SGMS1: variants seen among roughly 807,000 people sequenced by gnomAD.
SGMS1 encodes the protein sphingomyelin synthase 1, also known as phosphatidylcholine:ceramide cholinephosphotransferase 1.
SGMS1 carries 13 observed loss-of-function variants against 46.2 expected under a neutral mutation model. The observed-to-expected ratio is 0.28, with a 90% CI of 0.18 to 0.45. The LOEUF (loss-of-function observed/expected upper bound fraction) is 0.45. SGMS1 is among the 20% of genes least tolerant of loss of function. SGMS1 has a pLI of 1.00. For missense variants in SGMS1, 324 were observed against 519.9 expected (o/e 0.62, Z 3.66); for synonymous variants, 203 against 187.8 (o/e 1.08, Z -0.66).
chr10:50,390,200 C>T (rs372386139), intron 6 of SGMS1, among the ~76,000 whole-genome samples: 1 of 152,100 alleles, frequency 6.6e-6, no homozygotes, highest in Non-Finnish European at 1.5e-5. Context: ...ATACATGTAA[C>T]GTCACTAAAT....
chr10:50,318,039 G>C (rs1332810383), intron 8 of SGMS1, among the ~76,000 whole-genome samples: 1 of 151,970 alleles, frequency 6.6e-6, no homozygotes, highest in African/African-American at 2.4e-5. Context: ...CCTGAGCTCA[G>C]GCAATGTCCA....
rs142958739 is a variant in SGMS1 at position 50,380,893 on chromosome 10, A to T, written c.-231-36548T>A. ...TGACCAGGCTGCGGTGCAGTGGTGC[A>T]ATCACAGCTCACTGTAGCAGTGACC... On this transcript the variant is annotated intron_variant, in intron 6 of 10. Transcript: ENST00000361781. Among the ~76,000 whole-genome samples the T allele has an allele frequency of 2.5e-3, 383 of 152,194 alleles. 9 individuals are homozygous for T. Among genetic ancestry groups the T allele is most frequent in the Admixed American group, 0.022 (341 of 15,278 alleles).
At chr10:50,511,163 G>A (rs1452472941) in intron 3 of SGMS1, among the ~76,000 whole-genome samples, 1 of 151,902 alleles carries the variant, frequency 6.6e-6, no homozygotes, top group Non-Finnish European at 1.5e-5. Flanking sequence ...AGTAGAGGCA[G>A]AGTGGATAAA....
chr10:50,424,121 A>G (rs1445393650), intron 6 of SGMS1, among the ~76,000 whole-genome samples: 1 of 152,234 alleles, frequency 6.6e-6, no homozygotes, highest in Non-Finnish European at 1.5e-5. Context: ...AGCTGGGACT[A>G]TTGTGTCTAA....
chr10:50,612,492 G>C (rs1838759268), intron 1 of SGMS1, among the ~76,000 whole-genome samples: 1 of 151,894 alleles, frequency 6.6e-6, no homozygotes, highest in Admixed American at 6.6e-5. Flanking sequence ...GGAGTGGAGG[G>C]GAGAAAAAAG....
chr10:50,418,744 A>C (rs576359389), intron 6 of SGMS1, among the ~76,000 whole-genome samples: 1 of 152,326 alleles, frequency 6.6e-6, no homozygotes, highest in African/African-American at 2.4e-5. Flanking sequence ...TACTGGGTGC[A>C]AAGAGGTGGG....
At chr10:50,432,984 G>A (rs1271781805) in intron 6 of SGMS1, among the ~76,000 whole-genome samples, 1 of 152,130 alleles carries the variant, frequency 6.6e-6, no homozygotes, top group East Asian at 1.9e-4. Context: ...AGCCTCTGAT[G>A]TACATAAAAG....
At chr10:50,395,899 C>T (rs1382420084) in intron 6 of SGMS1, among the ~76,000 whole-genome samples, 1 of 152,112 alleles carries the variant, frequency 6.6e-6, no homozygotes, top group Non-Finnish European at 1.5e-5. Flanking sequence ...AATTCCTTGA[C>T]ACTACATAAA....
At chr10:50,388,700 A>C (rs1422196099) in intron 6 of SGMS1, among the ~76,000 whole-genome samples, 1 of 152,156 alleles carries the variant, frequency 6.6e-6, no homozygotes, top group Non-Finnish European at 1.5e-5. Context: ...GAATAAATGG[A>C]AAAAGTGGGC....
chr10:50,502,928 A>G (rs1279688635), intron 3 of SGMS1, among the ~76,000 whole-genome samples: 1 of 152,246 alleles, frequency 6.6e-6, no homozygotes, highest in Admixed American at 6.5e-5. Flanking sequence ...AGAAAGAAAG[A>G]TACAGTTAAG....
At chr10:50,455,868 C>T (rs1476105041) in intron 5 of SGMS1, among the ~76,000 whole-genome samples, 1 of 152,210 alleles carries the variant, frequency 6.6e-6, no homozygotes, top group Non-Finnish European at 1.5e-5. Context: ...CCACCACTCA[C>T]TGCTCTGATC....
intron 2 of SGMS1, among the ~76,000 whole-genome samples, chr10:50,567,275 T>C (rs1838297003): frequency 6.6e-6 from 1 of 152,168 alleles, no homozygotes; most frequent in Non-Finnish European, 1.5e-5. Context: ...GGTATTGCTA[T>C]CTTTATTGGG....
chr10:50,442,250 G>A (rs1490258866), intron 5 of SGMS1, among the ~76,000 whole-genome samples: 14 of 150,498 alleles, frequency 9.3e-5, no homozygotes, highest in African/African-American at 3.2e-4. Flanking sequence ...GTAAACTTGT[G>A]TCATGGGGGT....
At chr10:50,404,473 G>A (rs370950058) in intron 6 of SGMS1, among the ~76,000 whole-genome samples, 28 of 152,180 alleles carry the variant, frequency 1.8e-4, no homozygotes, top group East Asian at 1.7e-3. Context: ...GGTGGGCATC[G>A]TGGTGCATGC....
chr10:50,483,598 G>A (rs557429654), intron 3 of SGMS1, among the ~76,000 whole-genome samples: 13 of 152,028 alleles, frequency 8.6e-5, no homozygotes, highest in South Asian at 4.2e-4. Flanking sequence ...CATTCTTCTC[G>A]GTGCCACATG....
intron 6 of SGMS1, among the ~76,000 whole-genome samples, chr10:50,372,727 T>C (rs1219613213): frequency 8.0e-6 from 1 of 124,578 alleles, no homozygotes; most frequent in Non-Finnish European, 1.8e-5. Context: ...GCTAAGATTT[T>C]TACATGGGAA....
At chr10:50,429,722 CACACACACACACACACACAT>C (rs1280740985) in intron 6 of SGMS1, among the ~76,000 whole-genome samples, 8 of 15,750 alleles carry the variant, frequency 5.1e-4, no homozygotes, top group East Asian at 1.8e-3. Context: ...CACACACACA[CACACACACACACACACACAT>C]ACTCTTTTCT....
chr10:50,341,128 C>A lies in SGMS1; in HGVS notation c.623+2364G>T, dbSNP rs1344506462. On this transcript the variant is annotated intron_variant, in intron 7 of 10. Coordinates refer to ENST00000361781, the MANE Select transcript of SGMS1 (RefSeq NM_147156.4). ...CCCATAACCAGAAGGATCAATTTCTCCAAAATGCCAGATAAACAAAACTGC... is the reference window on the plus strand; with the variant it reads ...CCCATAACCAGAAGGATCAATTTCTACAAAATGCCAGATAAACAAAACTGC... 3 of 331,302 alleles carry A rather than the reference C, an allele frequency of 9.1e-6. No individual in the cohort carries two copies. In the East Asian group the frequency reaches 2.2e-4, roughly 25 times the overall value. 20.5% of individuals were successfully genotyped at this position (331,302 alleles called of 1,614,324 possible). A position where few individuals can be genotyped will look rare whatever the true frequency, so the allele number is the denominator to read the frequency against.
chr10:50,622,024 C>G (rs1051043661), intron 1 of SGMS1, among the ~76,000 whole-genome samples: 2 of 152,256 alleles, frequency 1.3e-5, no homozygotes, highest in Non-Finnish European at 2.9e-5. Context: ...TGAGCTGCCA[C>G]AGGCAGAAGG....
Sources: allele counts gnomAD v4.1 joint callset (sites outside exome capture counted in the v4.1 genomes callset), GRCh38; gene constraint gnomAD v4.1.1; transcripts MANE v1.5; gene names NCBI Gene and HGNC (gene_info 2026-07-23, HGNC 2026-07-21).